The following SLC38A10 variants were observed in gnomAD, a reference collection of about 807,000 sequenced individuals.
SLC38A10 encodes solute carrier family 38 member 10, also known as Sodium-coupled neutral amino acid transporter 10.
Under a neutral mutation model 81.0 loss-of-function variants are expected in SLC38A10, and 53 were observed. The observed-to-expected ratio is 0.65, with a 90% CI of 0.53 to 0.82. The LOEUF (loss-of-function observed/expected upper bound fraction) is 0.82. Among genes scored for constraint, SLC38A10 ranks in the 40% least tolerant of loss-of-function variants. SLC38A10 has a pLI of 0.00. For missense variants in SLC38A10, 1,471 were observed against 1,545.0 expected, an observed-to-expected ratio of 0.95 and a Z score of 0.80; for synonymous variants, 665 against 655.3, an observed-to-expected ratio of 1.01 and a Z score of -0.23.
rs375564146 is a variant in SLC38A10, at chr17:81,252,664, G to A, written c.1476C>T (p.Gly492=). 2.0e-5 allele frequency: 32 copies of A among 1,605,092 alleles called. No homozygotes were observed. The highest frequency in any genetic ancestry group is 1.1e-4 in the East Asian group (5 of 44,880). The part of the protein sequence containing the change: ...RPGQGIAVPV[G]EAHRHEPPVP... ...CAGGAGGCTCGTGGCGGTGGGCCTC[G>A]CCCACAGGCACAGCAATCCCTGCAA... The change falls in exon 13 of 16, where the codon GGC becomes GGT. Residue 492 remains glycine, a synonymous_variant. Transcript: ENST00000374759.
At chr17:81,246,732 G>A (rs1361736023) in intron 15 of SLC38A10, 59 bp from the exon 16 acceptor site, 2 of 1,499,838 alleles carry the variant, frequency 1.3e-6, no homozygotes, top group South Asian at 2.8e-5. Flanking sequence ...TGCCAGTGGA[G>A]GGGCTCAGAA....
chr17:81,246,797 G>A, intron 15 of SLC38A10, 88 bp downstream of exon 15: 5 of 1,512,952 alleles, frequency 3.3e-6, no homozygotes, highest in Admixed American at 2.1e-5. Flanking sequence ...CAGGTCTAGA[G>A]GCCACCGAGC....
At chr17:81,251,966 A>C in intron 13 of SLC38A10, 1 of 668,658 alleles carries the variant, frequency 1.5e-6, no homozygotes, top group Non-Finnish European at 2.4e-6. Context: ...GCGGCACCTG[A>C]CATTTAGTGG....
In SLC38A10 at chr17:81,246,923, T is replaced by C; in HGVS notation, c.2204A>G (p.Gln735Arg). Reference protein sequence around the residue: ...VIEEQHKEIHQQRQEDEEDKP... With the variant: ...VIEEQHKEIHRQRQEDEEDKP... ...ATCCTCCTCGTCCTCCTGCCTCTGC[T>C]GGTGGATCTCCTTGTGCTGCTCCTC... Residue 735 changes from glutamine (Q) to arginine (R), a missense_variant, in exon 15 of 16, where the codon CAG becomes CGG. Gln to Arg is a conservative substitution (Grantham distance 43, BLOSUM62 1). Around this residue, in one of 2 missense-constraint regions of SLC38A10, gnomAD observed 751 missense variants for 717.4 expected, o/e 1.05. Transcript: ENST00000374759. 1 of 1,605,608 alleles carries C rather than the reference T, an allele frequency of 6.2e-7. No individual in the cohort carries two copies. The highest frequency in any genetic ancestry group is 8.5e-7 in the Non-Finnish European group (1 of 1,177,266).
intron 11 of SLC38A10, among the ~76,000 whole-genome samples, chr17:81,257,959 C>A (rs1405543185): frequency 6.6e-6 from 1 of 152,258 alleles, no homozygotes; most frequent in East Asian, 1.9e-4. Flanking sequence ...CCCTAGCCTT[C>A]AGGGTGCTAG....
rs1340226950 is a variant in SLC38A10, at chr17:81,253,090, A to T, written c.1439T>A (p.Leu480His). ...DGKEAPEEAQ[L>H]DRPGQGIAVP... ...CCCAGCACCTTGCCCAGGGCGATCG[A>T]GCTGTGCCTCCTCCGGTGCCTCCTT... The change falls in exon 12 of 16, where the codon CTC becomes CAC. Residue 480 changes from leucine (L) to histidine (H), a missense_variant. Physicochemically the swap from Leu to His is moderately conservative, Grantham distance 99. Around this residue, in one of 2 missense-constraint regions of SLC38A10, gnomAD observed 720 missense variants for 827.7 expected, o/e 0.87. Coordinates refer to ENST00000374759, the MANE Select transcript of SLC38A10 (RefSeq NM_001037984.3). This position sits in a 1 kb window ranked among gnomAD's most constrained non-coding sequence, Gnocchi z 4.1. The T allele has an allele frequency of 6.2e-7, 1 of 1,613,422 alleles. No homozygotes were observed. The highest frequency in any genetic ancestry group is 1.1e-5 in the South Asian group (1 of 91,080).
rs1474950127 is a variant in SLC38A10, at chr17:81,260,303, T to C, written c.1223A>G (p.Glu408Gly). Residue 408 changes from glutamate to glycine, a missense_variant, in exon 11 of 16, where the codon GAA becomes GGA. Physicochemically the swap from Glu to Gly is moderately conservative, Grantham distance 98. Around this residue, in one of 2 missense-constraint regions of SLC38A10, gnomAD observed 720 missense variants for 827.7 expected, o/e 0.87. Coordinates refer to ENST00000374759, the MANE Select transcript of SLC38A10 (RefSeq NM_001037984.3). ...SEEVPEDLAE[E>G]APGGRLGEAE... Reference sequence around the variant, plus strand: ...CTCTCCAAGCCGGCCGCCAGGGGCTTCCTCTGCCAAGTCCTCGGGGACCTC... The same window carrying C: ...CTCTCCAAGCCGGCCGCCAGGGGCTCCCTCTGCCAAGTCCTCGGGGACCTC... 6.2e-7 allele frequency: 1 copy of C among 1,608,260 alleles called. No individual in the cohort carries two copies. The highest frequency in any genetic ancestry group is 1.1e-5 in the South Asian group (1 of 90,060).
chr17:81,278,138 G>A (rs970001294), intron 6 of SLC38A10, among the ~76,000 whole-genome samples: 1 of 151,776 alleles, frequency 6.6e-6, no homozygotes, highest in Non-Finnish European at 1.5e-5. Flanking sequence ...GAAAACACAG[G>A]ACATCACCAG....
chr17:81,280,804 C>T (rs1018216315), intron 5 of SLC38A10, 71 bp from the exon 6 acceptor site: 14 of 1,534,642 alleles, frequency 9.1e-6, no homozygotes, highest in African/African-American at 6.8e-5. Context: ...CCGGCCCACG[C>T]GCCGCTAGGA....
rs981343911 is a variant in SLC38A10, at chr17:81,265,696, G to A, written c.1131+5222C>T. Among the ~76,000 whole-genome samples, 4 of 152,228 alleles carry A rather than the reference G, an allele frequency of 2.6e-5. No individual in the cohort carries two copies. The highest frequency in any genetic ancestry group is 6.5e-5 in the Admixed American group (1 of 15,282). The stretch of plus-strand genomic sequence containing the variant: ...CCTGTGCCCCTCCGTGGGCGCAGCC[G>A]GAGCCCCTGGGACAGTGGCCACGCC... On this transcript the variant is annotated intron_variant, in intron 10 of 15. Coordinates refer to ENST00000374759, the MANE Select transcript of SLC38A10 (RefSeq NM_001037984.3). The surrounding 1 kb of genome is among the most constrained non-coding windows in gnomAD (Gnocchi z 4.2).
chr17:81,255,246 G>A (rs2062961167), intron 11 of SLC38A10, among the ~76,000 whole-genome samples: 1 of 152,290 alleles, frequency 6.6e-6, no homozygotes, highest in South Asian at 2.1e-4. Context: ...CAGCTGACCA[G>A]CCAAGGGCTG....
In SLC38A10 at chr17:81,294,817, A is replaced by T; in HGVS notation, c.99+6T>A. The T allele has an allele frequency of 1.9e-6, 3 of 1,579,366 alleles. No homozygotes were observed. The East Asian group carries it at 7.4e-5, about 39-fold the overall frequency. ...GGGCGGTGATCTCCGGGCCCACCGG[A>T]CTCACCTGTTTGAAGCAGAAGGGCA... On this transcript the variant is annotated splice_donor_region_variant and intron_variant, in intron 1 of 15. Coordinates refer to ENST00000374759, the MANE Select transcript of SLC38A10 (RefSeq NM_001037984.3).
chr17:81,249,041 T>A (rs2146879837), intron 14 of SLC38A10, among the ~76,000 whole-genome samples: 2 of 152,092 alleles, frequency 1.3e-5, no homozygotes, highest in Middle Eastern at 3.4e-3. Context: ...CCACGGAATG[T>A]CAATGGTACA....
At chr17:81,251,033 C>T (rs187896866) in intron 14 of SLC38A10, 45 of 1,427,088 alleles carry the variant, frequency 3.2e-5, no homozygotes, top group Middle Eastern at 4.9e-4. Flanking sequence ...AGGACCAGGG[C>T]GGGCACAGCC....
rs773885876 is a variant in SLC38A10, at chr17:81,289,648, C to T, written c.217+43G>A. The T allele has an allele frequency of 1.2e-5, 16 of 1,387,876 alleles. No individual in the cohort carries two copies. The highest frequency in any genetic ancestry group is 2.9e-5 in the African/African-American group (2 of 68,074). The allele number at this position is 1,387,876 out of a possible 1,614,324, so 86.0% of individuals were successfully genotyped here. ...ATAAATAAATAAATGGAATAAGGCC[C>T]CCGCCCCAGGTCCAGAGCCACCTTG... On this transcript the variant is annotated intron_variant, in intron 2 of 15. Transcript: ENST00000374759. The surrounding 1 kb of genome is among the most constrained non-coding windows in gnomAD (Gnocchi z 5.9).
chr17:81,245,827 T>C lies in SLC38A10; in HGVS notation c.3089A>G (p.Gln1030Arg), dbSNP rs186106220. ...LGLKRAVPGG[Q>R]RPDNAKPNRD... ...GTTGGGCTTGGCATTGTCCGGCCTC[T>C]GGCCCCCCGGGACAGCTCGTTTGAG... The change falls in exon 16 of 16, where the codon CAG (glutamine) becomes CGG (arginine). Residue 1030 changes from glutamine to arginine, a missense_variant. Transcript: ENST00000374759. The C allele has an allele frequency of 7.4e-6, 12 of 1,610,804 alleles. 1 individual carries two copies. The Admixed American group carries it at 1.2e-4, about 16-fold the overall frequency.
At chr17:81,252,063 A>G in intron 13 of SLC38A10, 132 bp downstream of exon 13, 2 of 1,329,556 alleles carry the variant, frequency 1.5e-6, no homozygotes, top group South Asian at 3.1e-5. Flanking sequence ...GGCCCGCTCC[A>G]TTTGCATGCT....
rs746512842 is a variant in SLC38A10 at position 81,245,874 on chromosome 17, C to G, written c.3042G>C (p.Gln1014His). 1 of 1,612,314 alleles carries G rather than the reference C, an allele frequency of 6.2e-7. No homozygotes were observed. The highest frequency in any genetic ancestry group is 8.5e-7 in the Non-Finnish European group (1 of 1,179,638). ...GEDAAVQEPR[Q>H]RPEPELGLKR... ...TGAGCCCCAGCTCTGGCTCTGGCCTCTGCCTGGGCTCCTGGACAGCAGCGT... is the reference window on the plus strand; with the variant it reads ...TGAGCCCCAGCTCTGGCTCTGGCCTGTGCCTGGGCTCCTGGACAGCAGCGT... The change falls in exon 16 of 16, where the codon CAG becomes CAC. Residue 1014 changes from glutamine (Q) to histidine (H), a missense_variant. Around this residue, in one of 2 missense-constraint regions of SLC38A10, gnomAD observed 751 missense variants for 717.4 expected, o/e 1.05. Transcript: ENST00000374759.
At chr17:81,250,446 C>CT (rs2062900041) in intron 14 of SLC38A10, among the ~76,000 whole-genome samples, 1 of 152,236 alleles carries the variant, frequency 6.6e-6, no homozygotes, top group South Asian at 2.1e-4. Flanking sequence ...GGGCAAGATG[C>CT]GCGGGCAGGA....
Sources: allele counts gnomAD v4.1 joint callset (sites outside exome capture counted in the v4.1 genomes callset), GRCh38; gene constraint gnomAD v4.1.1; regional missense constraint gnomAD v4.1.1; non-coding constraint Gnocchi (gnomAD v3.1); transcripts MANE v1.5; gene names NCBI Gene and HGNC (gene_info 2026-07-23, HGNC 2026-07-21).